TEX36: variants seen among roughly 807,000 people sequenced by gnomAD.
TEX36 encodes the protein testis expressed 36, also known as testis-expressed protein 36.
A neutral mutation model predicts 13.6 loss-of-function variants in TEX36; 12 were observed. The observed-to-expected ratio is 0.88, with a 90% CI of 0.56 to 1.43. The LOEUF (loss-of-function observed/expected upper bound fraction) is 1.43. Among genes scored for constraint, TEX36 ranks in the 40% most tolerant of loss-of-function variants. TEX36 has a pLI of 0.00. For synonymous variants in TEX36, 93 were observed against 83.0 expected (o/e 1.12, Z -0.65); for missense variants, 224 against 228.3 (o/e 0.98, Z 0.12).
Position 125,664,240 on chromosome 10 carries a change from T to C in TEX36, c.52-2263A>G, listed in dbSNP as rs374560717. The stretch of plus-strand genomic sequence containing the variant: ...CCATATTTCTTTATCCATTCATCTA[T>C]TGATAGACACTTAGGTTGCTTCCAA... On this transcript the variant is annotated intron_variant, in intron 1 of 3. Coordinates refer to ENST00000368821, the MANE Select transcript of TEX36 (RefSeq NM_001128202.3). 2.2e-3 allele frequency among the ~76,000 whole-genome samples: 332 copies of C among 151,930 alleles called. 2 individuals are homozygous for C. The highest frequency in any genetic ancestry group is 7.7e-3 in the African/African-American group (321 of 41,456).
intron 3 of TEX36, among the ~76,000 whole-genome samples, chr10:125,581,285 GAGA>G (rs758361877): frequency 3.9e-5 from 6 of 152,138 alleles, no homozygotes; most frequent in Admixed American, 1.3e-4. Flanking sequence ...TTCTAGTACC[GAGA>G]AGATGCTGAT....
chr10:125,601,384 C>T (rs1225337620), intron 3 of TEX36, among the ~76,000 whole-genome samples: 2 of 152,270 alleles, frequency 1.3e-5, no homozygotes, highest in African/African-American at 4.8e-5. Context: ...GGCCCATTCT[C>T]TCCCAACCTT....
intron 3 of TEX36, among the ~76,000 whole-genome samples, chr10:125,608,030 G>A (rs912119030): frequency 7.9e-5 from 12 of 152,208 alleles, no homozygotes; most frequent in African/African-American, 2.2e-4. Context: ...CATAGGAGCA[G>A]CTACGGTCAA....
intron 3 of TEX36, among the ~76,000 whole-genome samples, chr10:125,606,618 G>A (rs920058884): frequency 6.6e-6 from 1 of 152,186 alleles, no homozygotes; most frequent in Non-Finnish European, 1.5e-5. Flanking sequence ...AGGGACCAGA[G>A]CTCTTCTGAC....
intron 3 of TEX36, among the ~76,000 whole-genome samples, chr10:125,587,147 C>T (rs1269715577): frequency 1.3e-5 from 2 of 152,118 alleles, no homozygotes; most frequent in African/African-American, 4.8e-5. Context: ...CCAATTAAAC[C>T]TCTTTTCTTC....
chr10:125,640,975 C>G lies in TEX36; in HGVS notation c.265-19330G>C, dbSNP rs556364658. Among the ~76,000 whole-genome samples, 5 of 151,798 alleles carry G rather than the reference C, an allele frequency of 3.3e-5. No homozygotes were observed. The East Asian group carries it at 7.7e-4, about 24-fold the overall frequency. ...CCTCCCCCACACCCATCTCTCCCCCCTCCCCCGGGAATCTTCAATATGGGA... is the reference window on the plus strand; with the variant it reads ...CCTCCCCCACACCCATCTCTCCCCCGTCCCCCGGGAATCTTCAATATGGGA... On this transcript the variant is annotated intron_variant, in intron 3 of 3. Transcript: ENST00000526819.
In TEX36 at chr10:125,643,089, G is replaced by A. The variant is rs143435171; in HGVS notation, c.264+17932C>T. Among the ~76,000 whole-genome samples the A allele has an allele frequency of 1.8e-4, 27 of 152,316 alleles. No individual in the cohort carries two copies. In the East Asian group the frequency reaches 5.2e-3, roughly 29 times the overall value. ...TTCATAGAGGTTCTCTGCCAAGGCT[G>A]TCCTCAGCACATTCTCTGTGCAAAG... On this transcript the variant is annotated intron_variant, in intron 3 of 3. Coordinates refer to the TEX36 transcript ENST00000526819.
chr10:125,576,918 C>T (rs1416899349), intron 3 of TEX36: 1 of 1,535,114 alleles, frequency 6.5e-7, no homozygotes, highest in Non-Finnish European at 8.7e-7. Context: ...TAGTTGTGTG[C>T]TTAAATCCTT....
chr10:125,640,316 G>A (rs1846672253), intron 3 of TEX36: 4 of 550,752 alleles, frequency 7.3e-6, no homozygotes, highest in Non-Finnish European at 9.2e-6. Context: ...AATTTCTATT[G>A]GGAGAGAGAA....
intron 3 of TEX36, among the ~76,000 whole-genome samples, chr10:125,580,433 T>C (rs1845869237): frequency 2.0e-5 from 3 of 152,174 alleles, no homozygotes; most frequent in Admixed American, 2.0e-4. Flanking sequence ...CAGAATACCA[T>C]AAAATACACC....
At chr10:125,645,715 T>C (rs1410378541) in intron 3 of TEX36, among the ~76,000 whole-genome samples, 1 of 152,174 alleles carries the variant, frequency 6.6e-6, no homozygotes, top group African/African-American at 2.4e-5. Context: ...TGCCAGATAT[T>C]AGCATTGGAG....
downstream of TEX36, among the ~76,000 whole-genome samples, chr10:125,618,263 G>T (rs566793508): frequency 2.0e-5 from 3 of 152,052 alleles, no homozygotes; most frequent in Admixed American, 2.0e-4. Context: ...TAATTTGATC[G>T]TCTGAAGCCT....
chr10:125,645,186 C>T (rs1430947508), intron 3 of TEX36, among the ~76,000 whole-genome samples: 1 of 152,158 alleles, frequency 6.6e-6, no homozygotes, highest in African/African-American at 2.4e-5. Flanking sequence ...TTGTTATAAG[C>T]CACTAAATTT....
intron 1 of TEX36, chr10:125,667,634 C>G: frequency 1.4e-6 from 1 of 719,496 alleles, no homozygotes. Context: ...TACCTTGCTG[C>G]CCCCAACACC....
At chr10:125,652,091 C>T (rs1565184508), downstream of TEX36, among the ~76,000 whole-genome samples, 2 of 152,134 alleles carry the variant, frequency 1.3e-5, no homozygotes, top group African/African-American at 4.8e-5. Flanking sequence ...AGATTCAATG[C>T]CATCCCCATC....
intron 3 of TEX36, among the ~76,000 whole-genome samples, chr10:125,638,563 A>T (rs1846646983): frequency 1.3e-5 from 2 of 152,188 alleles, no homozygotes; most frequent in African/African-American, 4.8e-5. Context: ...TTATCAGATA[A>T]TAAGTTTATG....
downstream of TEX36, among the ~76,000 whole-genome samples, chr10:125,618,540 C>A (rs1846386425): frequency 6.6e-6 from 1 of 151,930 alleles, no homozygotes; most frequent in Admixed American, 6.6e-5. Flanking sequence ...GTTGGAGTAC[C>A]CGGCTGTGTG....
chr10:125,665,387 T>C (rs1265798460), intron 1 of TEX36, among the ~76,000 whole-genome samples: 1 of 152,184 alleles, frequency 6.6e-6, no homozygotes, highest in Non-Finnish European at 1.5e-5. Context: ...AGATCTTATA[T>C]TTAAGTCTTC....
chr10:125,643,805 T>C (rs533038524), intron 3 of TEX36, among the ~76,000 whole-genome samples: 28 of 151,360 alleles, frequency 1.8e-4, no homozygotes, highest in Admixed American at 3.9e-4. Flanking sequence ...TAATCCCAGA[T>C]ACTCAGGAGG....
Sources: gnomAD v4.1 joint callset for allele counts (sites outside exome capture counted in the v4.1 genomes callset) on GRCh38, gnomAD v4.1.1 for gene constraint, MANE v1.5 for transcripts, NCBI Gene and HGNC (gene_info 2026-07-23, HGNC 2026-07-21) for gene names.